Variants in SUMF1 observed in about 807,000 individuals in gnomAD.
The protein encoded by SUMF1 is formylglycine-generating enzyme.
A neutral mutation model predicts 47.6 loss-of-function variants in SUMF1; 48 were observed. The observed-to-expected ratio is 1.01, with a 90% CI of 0.80 to 1.28. SUMF1 has a LOEUF of 1.28. Ranked by LOEUF, SUMF1 falls within the 50% of genes most tolerant of loss-of-function variation. The pLI, the probability that SUMF1 is intolerant of heterozygous loss-of-function variation, is 0.00. For missense variants in SUMF1, 571 were observed against 485.4 expected (o/e 1.18, Z -1.66); for synonymous variants, 230 against 192.1 (o/e 1.20, Z -1.63).
chr3:4,211,346 CT>C (rs1295316232), intron 8 of SUMF1, among the ~76,000 whole-genome samples: 1 of 150,886 alleles, frequency 6.6e-6, no homozygotes, highest in Non-Finnish European at 1.5e-5. Context: ...CCAGTTGGCC[CT>C]AGTATGTGTT....
chr3:4,234,842 G>A (rs899910675), intron 8 of SUMF1, among the ~76,000 whole-genome samples: 7 of 152,220 alleles, frequency 4.6e-5, no homozygotes, highest in African/African-American at 1.2e-4. Context: ...GCATGGCATC[G>A]TCAAGGAAAA....
chr3:4,376,846 A>G (rs1412900272), intron 7 of SUMF1, among the ~76,000 whole-genome samples: 1 of 152,124 alleles, frequency 6.6e-6, no homozygotes, highest in African/African-American at 2.4e-5. Flanking sequence ...CCCAGGCTGG[A>G]GTGCAGTGCT....
At chr3:4,433,805 G>A (rs1030843097) in intron 3 of SUMF1, among the ~76,000 whole-genome samples, 1 of 152,186 alleles carries the variant, frequency 6.6e-6, no homozygotes, top group African/African-American at 2.4e-5. Flanking sequence ...AAGCCAGAAA[G>A]CAAATTGTCA....
At chr3:4,156,687 C>A (rs79569075) in intron 8 of SUMF1, among the ~76,000 whole-genome samples, 87 of 151,754 alleles carry the variant, frequency 5.7e-4, no homozygotes, top group Non-Finnish European at 2.9e-4. Flanking sequence ...CTGGGCCTGG[C>A]AGCCCTGCCC....
chr3:4,270,124 C>G (rs552655634), intron 8 of SUMF1, among the ~76,000 whole-genome samples: 1 of 152,146 alleles, frequency 6.6e-6, no homozygotes, highest in Non-Finnish European at 1.5e-5. Flanking sequence ...GAGGAACAAA[C>G]GAAGAAACTG....
chr3:4,338,301 A>G (rs1419217373), intron 8 of SUMF1, among the ~76,000 whole-genome samples: 5 of 152,048 alleles, frequency 3.3e-5, no homozygotes, highest in Admixed American at 3.3e-4. Flanking sequence ...AAAAAAAGAT[A>G]CTTTAAAGTA....
intron 8 of SUMF1, among the ~76,000 whole-genome samples, chr3:4,333,355 G>A (rs73809515): frequency 4.6e-5 from 7 of 152,284 alleles, no homozygotes; most frequent in Admixed American, 2.6e-4. Flanking sequence ...GACCAAACAG[G>A]CATGCCACAT....
chr3:4,303,289 TG>T, intron 8 of SUMF1: 1 of 1,384,914 alleles, frequency 7.2e-7, no homozygotes. Context: ...CATGAGGCGG[TG>T]GGGCCACGGG....
At chr3:4,224,571 C>T (rs558667969) in intron 8 of SUMF1, among the ~76,000 whole-genome samples, 4 of 152,104 alleles carry the variant, frequency 2.6e-5, no homozygotes, top group African/African-American at 7.2e-5. Flanking sequence ...ACAACTAGCA[C>T]AGCAAGGGGG....
chr3:4,055,647 T>A (rs1347146368), intron 9 of SUMF1, among the ~76,000 whole-genome samples: 1 of 152,040 alleles, frequency 6.6e-6, no homozygotes, highest in East Asian at 1.9e-4. Flanking sequence ...CATGCCCCAC[T>A]CATTTTTACA....
intron 8 of SUMF1, among the ~76,000 whole-genome samples, chr3:4,246,245 G>T (rs191854888): frequency 2.4e-4 from 37 of 152,162 alleles, no homozygotes; most frequent in African/African-American, 8.9e-4. Flanking sequence ...CCCTGCTTCT[G>T]CTCACCCTCC....
intron 8 of SUMF1, among the ~76,000 whole-genome samples, chr3:4,090,633 A>C (rs959105221): frequency 6.6e-6 from 1 of 152,162 alleles, no homozygotes; most frequent in African/African-American, 2.4e-5. Context: ...AGCATCCAGC[A>C]AACCCCCCAT....
chr3:4,272,671 G>A (rs1697327715), intron 8 of SUMF1, among the ~76,000 whole-genome samples: 1 of 152,038 alleles, frequency 6.6e-6, no homozygotes, highest in Admixed American at 6.6e-5. Context: ...AAAACACAGT[G>A]GCAAAAAGTG....
intron 7 of SUMF1, among the ~76,000 whole-genome samples, chr3:4,393,224 T>G (rs1413700926): frequency 6.6e-6 from 1 of 152,202 alleles, no homozygotes; most frequent in Non-Finnish European, 1.5e-5. Flanking sequence ...TCTGCTTTTT[T>G]AGCTGACAAA....
chr3:4,177,786 A>G (rs535186731), intron 8 of SUMF1, among the ~76,000 whole-genome samples: 94 of 152,292 alleles, frequency 6.2e-4, no homozygotes, highest in African/African-American at 2.2e-3. Context: ...AAATTGATAG[A>G]CCACTAGCAA....
chr3:4,295,616 A>G (rs915859341), intron 8 of SUMF1, among the ~76,000 whole-genome samples: 5 of 152,322 alleles, frequency 3.3e-5, no homozygotes, highest in African/African-American at 1.2e-4. Context: ...CCTTGGTAAC[A>G]GTATTTGAAT....
At chr3:4,303,712 A>G (rs1307792571) in intron 8 of SUMF1, 1 of 1,502,894 alleles carries the variant, frequency 6.7e-7, no homozygotes, top group African/African-American at 1.4e-5. Flanking sequence ...CCACGGCATC[A>G]CCTTAGCAAG....
chr3:4,164,563 A>G (rs1208110978), intron 8 of SUMF1, among the ~76,000 whole-genome samples: 1 of 152,160 alleles, frequency 6.6e-6, no homozygotes, highest in Non-Finnish European at 1.5e-5. Context: ...AACCACAATG[A>G]TAACAAGCCC....
intron 8 of SUMF1, among the ~76,000 whole-genome samples, chr3:4,305,373 A>T (rs540031523): frequency 1.3e-5 from 2 of 152,288 alleles, no homozygotes; most frequent in East Asian, 3.9e-4. Flanking sequence ...GACGTGAGCC[A>T]CCGCACCCGG....
Sources: gnomAD v4.1 joint callset for allele counts (sites outside exome capture counted in the v4.1 genomes callset) on GRCh38, gnomAD v4.1.1 for gene constraint, MANE v1.5 for transcripts, NCBI Gene and HGNC (gene_info 2026-07-23, HGNC 2026-07-21) for gene names.